JARID2: variants seen among roughly 807,000 people sequenced by gnomAD.
JARID2 encodes jumonji and AT-rich interaction domain containing 2, also known as protein Jumonji.
A neutral mutation model predicts 125.6 loss-of-function variants in JARID2; 21 were observed. The observed-to-expected ratio is 0.17, with a 90% confidence interval of 0.12 to 0.24. The LOEUF (loss-of-function observed/expected upper bound fraction) is 0.24, where lower values mean the gene tolerates loss of function less well. JARID2 is among the 10% of genes least tolerant of loss of function. JARID2 has a pLI of 1.00. For synonymous variants in JARID2, 736 were observed against 661.6 expected (o/e 1.11, Z -1.73); for missense variants, 1,303 against 1,639.6 (o/e 0.79, Z 3.55).
intron 4 of JARID2, among the ~76,000 whole-genome samples, chr6:15,468,169 CTTT>C (rs10700305): frequency 3.7e-5 from 5 of 134,844 alleles, no homozygotes; most frequent in Admixed American, 1.5e-4. Context: ...TCTTCTCTGT[CTTT>C]TTTTTTTTTT....
rs73726513 is a variant in JARID2 at position 15,300,542 on chromosome 6, G to A, written c.45+53958G>A. Among the ~76,000 whole-genome samples, 498 of 152,126 alleles carry A rather than the reference G, an allele frequency of 3.3e-3. 1 individual carries two copies. Among genetic ancestry groups the A allele is most frequent in the African/African-American group, 0.011 (471 of 41,506 alleles). On this transcript the variant is annotated intron_variant, in intron 1 of 17. Transcript: ENST00000341776. The stretch of plus-strand genomic sequence containing the variant: ...TGAGCTTGCAAGGCCTTCTTTAACC[G>A]CTTGCAGCCAGGAGACTAATGACAA...
intron 1 of JARID2, among the ~76,000 whole-genome samples, chr6:15,287,482 TAA>T (rs1400550976): frequency 3.3e-5 from 5 of 152,226 alleles, no homozygotes; most frequent in African/African-American, 1.2e-4. Flanking sequence ...TAAATCAGTA[TAA>T]GAGTATTTGC....
chr6:15,520,411 G>A lies in JARID2; in HGVS notation c.*160G>A, dbSNP rs1771777103. 1.7e-6 allele frequency: 1 copy of A among 580,756 alleles called. No individual in the cohort carries two copies. Among genetic ancestry groups the A allele is most frequent in the East Asian group, 3.2e-5 (1 of 31,146 alleles). 36.0% of individuals were successfully genotyped at this position (580,756 alleles called of 1,614,324 possible). A position where few individuals can be genotyped will look rare whatever the true frequency, so the allele number is the denominator to read the frequency against. On this transcript the variant is annotated 3_prime_UTR_variant, in exon 18 of 18. Coordinates refer to ENST00000341776, the MANE Select transcript of JARID2 (RefSeq NM_004973.4). ...AATTTTGTTTTAGCATTAAACTGTT[G>A]AACTTTTTTTTGTACTTAGAAAACC...
chr6:15,426,170 G>A (rs1467449138), intron 3 of JARID2, among the ~76,000 whole-genome samples: 1 of 152,168 alleles, frequency 6.6e-6, no homozygotes. Context: ...CACTCAGGAA[G>A]GGCCAGAGTT....
chr6:15,380,040 C>G (rs1324145234), intron 2 of JARID2, among the ~76,000 whole-genome samples: 1 of 149,314 alleles, frequency 6.7e-6, no homozygotes, highest in Non-Finnish European at 1.5e-5. Context: ...GGTCGGGGGC[C>G]GGGGGTGAGG....
At chr6:15,423,520 G>A (rs914658076) in intron 3 of JARID2, among the ~76,000 whole-genome samples, 1 of 152,202 alleles carries the variant, frequency 6.6e-6, no homozygotes, top group African/African-American at 2.4e-5. Flanking sequence ...TGAGTCATGG[G>A]ACAAAGACAG....
intron 2 of JARID2, among the ~76,000 whole-genome samples, chr6:15,404,112 A>G (rs1296900980): frequency 6.6e-6 from 1 of 152,170 alleles, no homozygotes; most frequent in Non-Finnish European, 1.5e-5. Context: ...ATCCTGCCTC[A>G]TGACTTGGCA....
intron 1 of JARID2, among the ~76,000 whole-genome samples, chr6:15,299,181 A>T (rs1000711005): frequency 1.3e-5 from 2 of 152,136 alleles, no homozygotes; most frequent in African/African-American, 4.8e-5. Context: ...AACCCCTTGG[A>T]CATAGGGTTC....
chr6:15,248,176 G>A, intron 1 of JARID2: 2 of 766,058 alleles, frequency 2.6e-6, no homozygotes, highest in Non-Finnish European at 3.2e-6. Flanking sequence ...TTAATGCACC[G>A]GGAGCAGAGC....
At chr6:15,318,067 A>G (rs919148539) in intron 1 of JARID2, among the ~76,000 whole-genome samples, 1 of 152,128 alleles carries the variant, frequency 6.6e-6, no homozygotes, top group Admixed American at 6.5e-5. Flanking sequence ...AGAGTGATTA[A>G]AGCATGGTGG....
In JARID2 at chr6:15,357,214, C is replaced by G. The variant is rs77268692; in HGVS notation, c.46-16903C>G. Among the ~76,000 whole-genome samples, 6 of 152,278 alleles carry G rather than the reference C, an allele frequency of 3.9e-5. No individual in the cohort carries two copies. The East Asian group carries it at 9.6e-4, about 24-fold the overall frequency. ...CGTTTTTTCATTGAGTATGTAAAGT[C>G]TTCATGAAGTACGCTGAATAAGTGC... On this transcript the variant is annotated intron_variant, in intron 1 of 17. Transcript: ENST00000341776.
intron 2 of JARID2, among the ~76,000 whole-genome samples, chr6:15,379,706 G>A (rs1764505918): frequency 6.6e-6 from 1 of 152,134 alleles, no homozygotes; most frequent in African/African-American, 2.4e-5. Flanking sequence ...TATTGTTCTA[G>A]TACTTTAGCT....
intron 1 of JARID2, among the ~76,000 whole-genome samples, chr6:15,283,620 G>A (rs1760870877): frequency 6.6e-6 from 1 of 152,044 alleles, no homozygotes; most frequent in East Asian, 1.9e-4. Flanking sequence ...GGGATTACAG[G>A]CGTGAGCCAC....
rs1053028319 is a variant in JARID2 at position 15,404,229 on chromosome 6, C to A, written c.182-5995C>A. Among the ~76,000 whole-genome samples, 9 of 152,276 alleles carry A rather than the reference C, an allele frequency of 5.9e-5. No homozygotes were observed. The East Asian group carries it at 1.7e-3, about 29-fold the overall frequency. On this transcript the variant is annotated intron_variant, in intron 2 of 17. Coordinates refer to ENST00000341776, the MANE Select transcript of JARID2 (RefSeq NM_004973.4). ...CCTGCTCGCCCCTCTCCCTGGAGCT[C>A]TGTGCTCCATTGGAAGCTTCACATG... is the stretch of plus-strand genomic sequence containing the variant.
At chr6:15,499,384 C>T (rs1011489374) in intron 7 of JARID2, among the ~76,000 whole-genome samples, 10 of 152,132 alleles carry the variant, frequency 6.6e-5, no homozygotes, top group African/African-American at 2.2e-4. Context: ...TGGGAGTGAT[C>T]GCAGCGGATG....
chr6:15,385,911 T>C (rs1170031909), intron 2 of JARID2, among the ~76,000 whole-genome samples: 3 of 152,214 alleles, frequency 2.0e-5, no homozygotes, highest in Non-Finnish European at 4.4e-5. Flanking sequence ...TTCATAATTG[T>C]GTGATATGTC....
At chr6:15,448,115 A>G (rs1767754430) in intron 3 of JARID2, among the ~76,000 whole-genome samples, 1 of 152,132 alleles carries the variant, frequency 6.6e-6, no homozygotes, top group African/African-American at 2.4e-5. Flanking sequence ...CCTCTTTATA[A>G]AAGATATTGG....
Position 15,488,191 on chromosome 6 carries a change from G to A in JARID2, c.906+649G>A, listed in dbSNP as rs181166656. The stretch of plus-strand genomic sequence containing the variant: ...CCCCAACAGGGCCACAGATAATGCC[G>A]GTTCTGGTGAGGCAGTTTTGAAGAA... On this transcript the variant is annotated intron_variant, in intron 6 of 17. Coordinates refer to ENST00000341776, the MANE Select transcript of JARID2 (RefSeq NM_004973.4). Among the ~76,000 whole-genome samples the A allele has an allele frequency of 3.9e-3, 601 of 152,294 alleles. 2 individuals carry two copies. The highest frequency in any genetic ancestry group is 6.4e-3 in the Non-Finnish European group (436 of 68,030).
chr6:15,509,629 C>G (rs1008343296), intron 12 of JARID2, among the ~76,000 whole-genome samples: 1 of 152,252 alleles, frequency 6.6e-6, no homozygotes, highest in African/African-American at 2.4e-5. Context: ...ACAGCCAGGA[C>G]TATTCCGAGA....
Sources: allele counts gnomAD v4.1 joint callset (sites outside exome capture counted in the v4.1 genomes callset), GRCh38; gene constraint gnomAD v4.1.1; transcripts MANE v1.5; gene names NCBI Gene and HGNC (gene_info 2026-07-23, HGNC 2026-07-21).